Variants in GNAS observed in about 807,000 individuals in gnomAD.
GNAS encodes the protein GNAS complex locus, also known as protein ALEX.
GNAS carries 8 observed loss-of-function variants against 54.5 expected under a neutral mutation model. The observed-to-expected ratio is 0.15, with a 90% CI of 0.09 to 0.26. The LOEUF (loss-of-function observed/expected upper bound fraction) is 0.26, where lower values mean the gene tolerates loss of function less well. Ranked by LOEUF, GNAS falls within the 10% of genes least tolerant of loss-of-function variation. The pLI is 1.00. For synonymous variants in GNAS, 204 were observed against 191.4 expected (o/e 1.07, Z -0.54); for missense variants, 170 against 529.8 (o/e 0.32, Z 6.67).
intron 1 of GNAS, chr20:58,892,311 G>T (rs2089503821): frequency 6.3e-6 from 2 of 316,886 alleles, no homozygotes; most frequent in Non-Finnish European, 9.1e-6. Flanking sequence ...AGAGGGAGGG[G>T]GACCCGCCTC....
At chr20:58,859,525 C>G (rs2145613898) in intron 1 of GNAS, among the ~76,000 whole-genome samples, 1 of 151,998 alleles carries the variant, frequency 6.6e-6, no homozygotes, top group East Asian at 1.9e-4. Context: ...AGCCTTTCAT[C>G]TAGTCATATT....
In GNAS at chr20:58,872,814, C is replaced by G. The variant is rs112155419; in HGVS notation, c.44-22798C>G. On this transcript the variant is annotated intron_variant, in intron 1 of 12. Coordinates refer to the GNAS transcript ENST00000306090. ...CAAGAGCAGACCTTCAGCTTCCTGG[C>G]ATTGGTGGGGAAAATATTCCGTCAG... Among the ~76,000 whole-genome samples, 852 of 152,278 alleles carry G rather than the reference C, an allele frequency of 5.6e-3. 5 individuals carry two copies. The highest frequency in any genetic ancestry group is 9.4e-3 in the Non-Finnish European group (638 of 68,028).
At chr20:58,849,310 G>C (rs1294567891) in intron 1 of GNAS, among the ~76,000 whole-genome samples, 1 of 152,076 alleles carries the variant, frequency 6.6e-6, no homozygotes, top group Non-Finnish European at 1.5e-5. Context: ...CCTTCCTCTG[G>C]TGTGCTCCCA....
In GNAS at chr20:58,908,893, G is replaced by A. The variant is rs234629; in HGVS notation, c.531-269G>A. 304,927 of 548,778 alleles carry A rather than the reference G, an allele frequency of 0.56. 90,252 individuals are homozygous for A. Among genetic ancestry groups the A allele is most frequent in the African/African-American group, 0.91 (48,129 of 53,070 alleles). The allele number at this position is 548,778 out of a possible 1,614,324, so 34.0% of individuals were successfully genotyped here. A position where few individuals can be genotyped will look rare whatever the true frequency, so the allele number is the denominator to read the frequency against. On this transcript the variant is annotated intron_variant, in intron 6 of 12. Transcript: ENST00000371085. ...TGTGCTGTTTGTGTGGCCCCACTGC[G>A]TCGAGGCCACAGGCTAGCTGCTAGA...
chr20:58,854,903 T>G, intron 1 of GNAS: 1 of 1,595,274 alleles, frequency 6.3e-7, no homozygotes, highest in Non-Finnish European at 8.5e-7. Context: ...CGCGGCCTAC[T>G]CGCGCGTCTG....
At chr20:58,859,523 A>T (rs890867712) in intron 1 of GNAS, among the ~76,000 whole-genome samples, 5 of 151,866 alleles carry the variant, frequency 3.3e-5, no homozygotes, top group African/African-American at 1.2e-4. Context: ...AAAGCCTTTC[A>T]TCTAGTCATA....
At chr20:58,872,750 G>C (rs913111026) in intron 1 of GNAS, among the ~76,000 whole-genome samples, 5 of 151,894 alleles carry the variant, frequency 3.3e-5, no homozygotes, top group Non-Finnish European at 7.4e-5. Context: ...GGGTGAGGGT[G>C]GGGGGCAGAG....
At chr20:58,861,023 A>C (rs937839476) in intron 1 of GNAS, among the ~76,000 whole-genome samples, 23 of 152,284 alleles carry the variant, frequency 1.5e-4, no homozygotes, top group African/African-American at 4.6e-4. Context: ...TAGATTTGAA[A>C]TTCCCAAAGG....
chr20:58,890,220 C>T (rs1220076591), upstream of GNAS, among the ~76,000 whole-genome samples: 2 of 151,390 alleles, frequency 1.3e-5, no homozygotes, highest in Non-Finnish European at 1.5e-5. Flanking sequence ...GAAGAAGGTG[C>T]CAGAAGCCCA....
rs913897085 is a variant in GNAS, at chr20:58,909,852, G to A, written c.839+48G>A. 2.5e-6 allele frequency: 4 copies of A among 1,612,692 alleles called. No individual in the cohort carries two copies. The African/African-American group carries it at 5.3e-5, about 22-fold the overall frequency. On this transcript the variant is annotated intron_variant, in intron 10 of 12. Coordinates refer to ENST00000371085, the MANE Select transcript of GNAS (RefSeq NM_000516.7). This position sits in a 1 kb window ranked among gnomAD's most constrained non-coding sequence, Gnocchi z 7.3. ...CCCTGCGCTTGCCCAGGAGGCCCTG[G>A]TCTGCACTGTTTATAGAGAAGAACC...
intron 1 of GNAS, among the ~76,000 whole-genome samples, chr20:58,865,134 G>A (rs1278111110): frequency 6.6e-6 from 1 of 151,840 alleles, no homozygotes. Context: ...TATATATATT[G>A]GGGCTGGGCG....
At chr20:58,844,051 A>G (rs1163517001) in intron 1 of GNAS, 1 of 152,222 alleles carries the variant, frequency 6.6e-6, no homozygotes. Flanking sequence ...GTTAAGGAGG[A>G]AGAAAGCTGA....
At chr20:58,865,034 C>T (rs978030303) in intron 1 of GNAS, among the ~76,000 whole-genome samples, 2 of 152,104 alleles carry the variant, frequency 1.3e-5, no homozygotes, top group Admixed American at 1.3e-4. Flanking sequence ...AATGTCACCC[C>T]TCATTGATAA....
At chr20:58,896,340 A>G (rs2090046743) in intron 2 of GNAS, among the ~76,000 whole-genome samples, 1 of 152,146 alleles carries the variant, frequency 6.6e-6, no homozygotes, top group Admixed American at 6.5e-5. Context: ...CATTTATTTA[A>G]AGGATGGAAA....
chr20:58,878,129 G>A (rs181599927), intron 1 of GNAS, among the ~76,000 whole-genome samples: 70 of 152,274 alleles, frequency 4.6e-4, no homozygotes, highest in African/African-American at 1.5e-3. Context: ...GCAGACTTAC[G>A]CAGAGCACAA....
chr20:58,891,463 G>T lies in GNAS; in HGVS notation c.-264G>T, dbSNP rs1490727262. Reference sequence around the variant, plus strand: ...CTGCTCTGGTCCGCCTCGGCCCGGCGGCGGCCATCAGCCCCCTCGGCCTCG... The same window carrying T: ...CTGCTCTGGTCCGCCTCGGCCCGGCTGCGGCCATCAGCCCCCTCGGCCTCG... On this transcript the variant is annotated 5_prime_UTR_variant, in exon 1 of 13. Transcript: ENST00000371085. 2 of 820,198 alleles carry T rather than the reference G, an allele frequency of 2.4e-6. No individual in the cohort carries two copies. Among genetic ancestry groups the T allele is most frequent in the Non-Finnish European group, 2.9e-6 (2 of 682,074 alleles). The allele number at this position is 820,198 out of a possible 1,614,324, so 50.8% of individuals were successfully genotyped here. A position where few individuals can be genotyped will look rare whatever the true frequency, so the allele number is the denominator to read the frequency against.
At chr20:58,894,885 C>T (rs1401752955) in intron 1 of GNAS, among the ~76,000 whole-genome samples, 1 of 152,070 alleles carries the variant, frequency 6.6e-6, no homozygotes, top group Non-Finnish European at 1.5e-5. Context: ...TGTGGTTTTT[C>T]CAGAAGATGA....
chr20:58,853,611 C>A lies in GNAS; in HGVS notation c.43+12725C>A. ...ACAGCCCAGCTTGGGAGGCTTCTGG[C>A]CTACACTGGAGCAGCCTGGATTCCC... On this transcript the variant is annotated intron_variant, in intron 1 of 12. Coordinates refer to the GNAS transcript ENST00000306090. This position sits in a 1 kb window ranked among gnomAD's most constrained non-coding sequence, Gnocchi z 4.4. The A allele has an allele frequency of 6.2e-7, 1 of 1,613,336 alleles. No individual in the cohort carries two copies. The highest frequency in any genetic ancestry group is 8.5e-7 in the Non-Finnish European group (1 of 1,179,868).
At chr20:58,843,124 C>T (rs1361633363) in intron 1 of GNAS, among the ~76,000 whole-genome samples, 12 of 151,974 alleles carry the variant, frequency 7.9e-5, no homozygotes, top group South Asian at 2.1e-4. Context: ...AACTGCCTCG[C>T]CATCTGCATT....
Sources: gnomAD v4.1 joint callset for allele counts (sites outside exome capture counted in the v4.1 genomes callset) on GRCh38, gnomAD v4.1.1 for gene constraint, Gnocchi (gnomAD v3.1) non-coding constraint, MANE v1.5 for transcripts, NCBI Gene and HGNC (gene_info 2026-07-23, HGNC 2026-07-21) for gene names.